NCKAP5: variants seen among roughly 807,000 people sequenced by gnomAD.
NCKAP5 encodes the protein nck-associated protein 5.
A neutral mutation model predicts 167.0 loss-of-function variants in NCKAP5; 92 were observed. The observed-to-expected ratio is 0.55, with a 90% CI of 0.47 to 0.66. The LOEUF is 0.66. Ranked by LOEUF, NCKAP5 falls within the 30% of genes least tolerant of loss-of-function variation. NCKAP5 has a pLI of 0.00. For synonymous variants in NCKAP5, 891 were observed against 877.4 expected (o/e 1.02, Z -0.27); for missense variants, 2,378 against 2,315.0 (o/e 1.03, Z -0.56).
At chr2:132,685,841 G>A (rs1324382691) in intron 19 of NCKAP5, among the ~76,000 whole-genome samples, 2 of 152,174 alleles carry the variant, frequency 1.3e-5, no homozygotes, top group Admixed American at 6.5e-5. Flanking sequence ...CAGGGCAAAA[G>A]TCAACTCTCC....
intron 3 of NCKAP5, among the ~76,000 whole-genome samples, chr2:133,371,939 G>A (rs76128285): frequency 0.02 from 3,072 of 152,038 alleles, 95 homozygotes; most frequent in African/African-American, 0.07. Flanking sequence ...TTATGCAACC[G>A]TGCCCTGAAA....
chr2:132,840,162 A>C (rs925817551), intron 11 of NCKAP5, among the ~76,000 whole-genome samples: 1 of 152,216 alleles, frequency 6.6e-6, no homozygotes, highest in Non-Finnish European at 1.5e-5. Flanking sequence ...TGCACTAAAT[A>C]CAATGACAAA....
intron 11 of NCKAP5, among the ~76,000 whole-genome samples, chr2:132,801,615 C>T (rs1233346473): frequency 6.6e-6 from 1 of 152,172 alleles, no homozygotes; most frequent in South Asian, 2.1e-4. Context: ...CAATTTATAA[C>T]AGAACGCATG....
chr2:133,458,616 A>G (rs1692002535), intron 3 of NCKAP5, among the ~76,000 whole-genome samples: 1 of 152,100 alleles, frequency 6.6e-6, no homozygotes. Context: ...TGATAAATCT[A>G]CCACAAGGGA....
At chr2:132,690,229 C>A (rs186639208) in intron 19 of NCKAP5, among the ~76,000 whole-genome samples, 6 of 152,214 alleles carry the variant, frequency 3.9e-5, no homozygotes, top group African/African-American at 1.4e-4. Flanking sequence ...CAAGGCTATG[C>A]GTGAGAGATA....
chr2:133,111,605 C>A (rs141421036), intron 6 of NCKAP5, among the ~76,000 whole-genome samples: 2,041 of 152,312 alleles, frequency 0.013, 24 homozygotes, highest in Middle Eastern at 0.048. Context: ...TGACCATCAC[C>A]TCTCTCATAG....
At chr2:132,788,963 A>T (rs1022518248) in intron 13 of NCKAP5, among the ~76,000 whole-genome samples, 1 of 152,110 alleles carries the variant, frequency 6.6e-6, no homozygotes, top group African/African-American at 2.4e-5. Flanking sequence ...TCACTGTGAG[A>T]TATGACAGGT....
chr2:132,748,130 G>C (rs1679803534), intron 16 of NCKAP5, among the ~76,000 whole-genome samples: 2 of 152,180 alleles, frequency 1.3e-5, no homozygotes, highest in African/African-American at 4.8e-5. Context: ...CTATGTATCA[G>C]TTTTATCTTC....
chr2:133,630,188 A>G, the NCKAP5 span, among the ~76,000 whole-genome samples: 19 of 152,306 alleles, frequency 1.2e-4, no homozygotes, highest in South Asian at 3.5e-3. Flanking sequence ...TGCTAAGTGA[A>G]AGGAGCCAGT....
chr2:132,735,003 T>C (rs1251684946), intron 16 of NCKAP5, among the ~76,000 whole-genome samples: 1 of 152,242 alleles, frequency 6.6e-6, no homozygotes, highest in Admixed American at 6.5e-5. Context: ...GCTTGGTTCC[T>C]GGGCTCCCCA....
intron 2 of NCKAP5, among the ~76,000 whole-genome samples, chr2:133,530,477 A>T (rs1376323097): frequency 1.3e-5 from 2 of 152,190 alleles, no homozygotes; most frequent in East Asian, 3.8e-4. Context: ...TTTTTATTAA[A>T]TTGGATTGAA....
At chr2:133,094,927 G>T (rs79462917) in intron 6 of NCKAP5, among the ~76,000 whole-genome samples, 1 of 152,182 alleles carries the variant, frequency 6.6e-6, no homozygotes, top group African/African-American at 2.4e-5. Flanking sequence ...CCCTCTGAGA[G>T]CAAGAAAATG....
chr2:133,059,020 C>T (rs1021665263), intron 6 of NCKAP5, among the ~76,000 whole-genome samples: 3 of 152,300 alleles, frequency 2.0e-5, no homozygotes, highest in Non-Finnish European at 4.4e-5. Flanking sequence ...TGATATGCAG[C>T]CAGGGGTGGT....
At chr2:133,113,764 G>A (rs533440585) in intron 6 of NCKAP5, among the ~76,000 whole-genome samples, 3 of 152,324 alleles carry the variant, frequency 2.0e-5, no homozygotes, top group East Asian at 3.9e-4. Flanking sequence ...TGTGGACAGA[G>A]TATAGACATG....
At chr2:133,107,489 C>T (rs1043354314) in intron 6 of NCKAP5, among the ~76,000 whole-genome samples, 8 of 152,136 alleles carry the variant, frequency 5.3e-5, no homozygotes, top group South Asian at 2.1e-4. Flanking sequence ...GTTAATTTAA[C>T]GTTAGTAAAT....
intron 6 of NCKAP5, among the ~76,000 whole-genome samples, chr2:133,023,305 GTC>G (rs1284058355): frequency 6.6e-6 from 1 of 152,112 alleles, no homozygotes; most frequent in Non-Finnish European, 1.5e-5. Flanking sequence ...TTTTCATACT[GTC>G]TCTTAGACCT....
intron 16 of NCKAP5, among the ~76,000 whole-genome samples, chr2:132,765,245 T>C (rs953018541): frequency 1.3e-5 from 2 of 151,944 alleles, no homozygotes; most frequent in African/African-American, 2.4e-5. Context: ...CATAAATCAC[T>C]GAAATCAATT....
intron 11 of NCKAP5, among the ~76,000 whole-genome samples, chr2:132,800,439 C>A (rs1331120694): frequency 6.6e-6 from 1 of 152,208 alleles, no homozygotes. Flanking sequence ...ATCTGTCACA[C>A]TGTCTCAGTA....
chr2:133,208,451 C>T (rs111711198), intron 5 of NCKAP5, among the ~76,000 whole-genome samples: 81 of 152,264 alleles, frequency 5.3e-4, no homozygotes, highest in African/African-American at 1.9e-3. Flanking sequence ...CAAATCTAAT[C>T]GTCAGAAAAA....
Sources: allele counts gnomAD v4.1 joint callset (sites outside exome capture counted in the v4.1 genomes callset), GRCh38; gene constraint gnomAD v4.1.1; transcripts MANE v1.5; gene names NCBI Gene and HGNC (gene_info 2026-07-23, HGNC 2026-07-21).